Variants in ATP2B3 observed in about 807,000 individuals in gnomAD.
ATP2B3 encodes plasma membrane calcium-transporting ATPase 3.
A neutral mutation model predicts 70.8 loss-of-function variants in ATP2B3; 12 were observed. The observed-to-expected ratio is 0.17, with a 90% CI of 0.11 to 0.27. The LOEUF is 0.27. Ranked by LOEUF, ATP2B3 falls within the 10% of genes least tolerant of loss-of-function variation. The probability of loss-of-function intolerance (pLI) is 1.00; values close to 1 mark genes in which losing one functional copy is unlikely to be tolerated. For synonymous variants in ATP2B3, 460 were observed against 497.8 expected, an observed-to-expected ratio of 0.92 and a Z score of 1.01; for missense variants, 858 against 1,118.5, an observed-to-expected ratio of 0.77 and a Z score of 3.32.
intron 2 of ATP2B3, among the ~76,000 whole-genome samples, chrX:153,528,617 G>A (rs2980075): frequency 9.1e-6 from 1 of 109,843 alleles, no homozygotes; most frequent in South Asian, 4.1e-4. Flanking sequence ...AGTGGCTTCA[G>A]TGAGAGAGAA....
chrX:153,540,750 T>C (rs1569534010), intron 3 of ATP2B3, among the ~76,000 whole-genome samples: 1 of 112,331 alleles, frequency 8.9e-6, no homozygotes, highest in African/African-American at 3.2e-5. Context: ...AGGGAATTCA[T>C]AGGCTGGGAG....
intron 17 of ATP2B3, 127 bp from the exon 18 acceptor site, chrX:153,559,600 GTC>G: frequency 3.6e-6 from 2 of 560,994 alleles, no homozygotes; most frequent in Non-Finnish European, 5.8e-6. Context: ...GGATGGAGAT[GTC>G]TGTTTTCATG....
At chrX:153,520,985 C>T (rs1033363371) in intron 2 of ATP2B3, among the ~76,000 whole-genome samples, 1 of 112,788 alleles carries the variant, frequency 8.9e-6, no homozygotes, top group Non-Finnish European at 1.9e-5. Context: ...ACTCAGGGAC[C>T]GGTTTAGCTC....
intron 2 of ATP2B3, among the ~76,000 whole-genome samples, chrX:153,518,880 G>A (rs2089916015): frequency 8.9e-6 from 1 of 112,132 alleles, no homozygotes; most frequent in East Asian, 2.8e-4. Context: ...CAGGGCCTCC[G>A]ACCTCAAAGG....
At position 153,518,436 on chromosome X, in the gene ATP2B3, G is replaced by A. The variant is rs3020938; in HGVS notation, c.-242G>A. Among the ~76,000 whole-genome samples the A allele has an allele frequency of 0.052, 5,864 of 113,040 alleles. 377 individuals carry two copies. The highest frequency in any genetic ancestry group is 0.18 in the African/African-American group (5,607 of 31,106). On this transcript the variant is annotated 5_prime_UTR_variant, in exon 2 of 22. Coordinates refer to ENST00000263519, the MANE Select transcript of ATP2B3 (RefSeq NM_001001344.3). ...GTAACTTCTCCATCCCTCCAGGAAC[G>A]GCTGTCTCCCCCTCCTCGCCTGTGT...
At chrX:153,541,257 C>T in intron 3 of ATP2B3, 102 bp from the exon 4 acceptor site, 1 of 1,038,907 alleles carries the variant, frequency 9.6e-7, no homozygotes, top group Non-Finnish European at 1.3e-6. Context: ...GCTGCTGCCA[C>T]CCCAGGAGCA....
At position 153,536,429 on chromosome X, in the gene ATP2B3, G is replaced by A. The variant is rs1441248349; in HGVS notation, c.182G>A (p.Arg61Gln). The A allele has an allele frequency of 8.3e-6, 10 of 1,199,286 alleles. No homozygotes were observed. The highest frequency in any genetic ancestry group is 5.2e-5 in the African/African-American group (3 of 57,448). ...EAYGDVSGLCRRLKTSPTEGL... is the reference protein window; with the variant it reads ...EAYGDVSGLCQRLKTSPTEGL... ...TACGGGGATGTCAGCGGGCTCTGCCGGAGGCTGAAGACCTCACCCACAGAG... is the reference window on the plus strand; with the variant it reads ...TACGGGGATGTCAGCGGGCTCTGCCAGAGGCTGAAGACCTCACCCACAGAG... Residue 61 changes from arginine to glutamine, a missense_variant, in exon 3 of 22, where the codon CGG becomes CAG. Coordinates refer to ENST00000263519, the MANE Select transcript of ATP2B3 (RefSeq NM_001001344.3).
intron 19 of ATP2B3, 131 bp from the exon 20 acceptor site, chrX:153,562,004 G>A (rs2090632663): frequency 1.0e-5 from 6 of 586,519 alleles, no homozygotes; most frequent in African/African-American, 8.8e-5. Context: ...CGGCCTTGTG[G>A]TCCTCTCGCA....
intron 2 of ATP2B3, among the ~76,000 whole-genome samples, chrX:153,535,104 C>T (rs1321991071): frequency 2.7e-5 from 3 of 112,782 alleles, no homozygotes; most frequent in Non-Finnish European, 5.6e-5. Context: ...CGGGAAGGAG[C>T]GGAGAGAGAG....
At chrX:153,567,967 C>T (rs1211131054) in intron 21 of ATP2B3, among the ~76,000 whole-genome samples, 5 of 112,008 alleles carry the variant, frequency 4.5e-5, no homozygotes, top group African/African-American at 9.7e-5. Context: ...GGGAGAAGCC[C>T]GTCAGGTTGT....
intron 3 of ATP2B3, among the ~76,000 whole-genome samples, chrX:153,537,127 C>T (rs782699879): frequency 5.3e-5 from 6 of 113,132 alleles, no homozygotes; most frequent in Non-Finnish European, 1.1e-4. Flanking sequence ...AGATCTGGGG[C>T]GGAGGCCTGA....
chrX:153,543,743 A>G (rs2090322291), intron 7 of ATP2B3, among the ~76,000 whole-genome samples: 1 of 113,158 alleles, frequency 8.8e-6, no homozygotes, highest in African/African-American at 3.2e-5. Flanking sequence ...TTCTAACCTG[A>G]GTACTATTCA....
intron 3 of ATP2B3, among the ~76,000 whole-genome samples, chrX:153,540,523 G>A (rs1273834395): frequency 8.9e-6 from 1 of 112,040 alleles, no homozygotes; most frequent in Non-Finnish European, 1.9e-5. Context: ...TGGAAAGTAA[G>A]CCTCCGCTCC....
At position 153,541,819 on chromosome X, in the gene ATP2B3, A is replaced by G; in HGVS notation, c.557A>G (p.Gln186Arg). The change falls in exon 5 of 22, where the codon CAG (glutamine) becomes CGG (arginine). Residue 186 changes from glutamine to arginine, a missense_variant. Gln to Arg is a conservative substitution (Grantham distance 43, BLOSUM62 1). Coordinates refer to ENST00000263519, the MANE Select transcript of ATP2B3 (RefSeq NM_001001344.3). ...WSKEKQFRGL[Q>R]SRIEQEQKFT... ...AAGGAGAAGCAGTTCCGAGGCCTGC[A>G]GAGCCGAATTGAGCAGGAGCAGAAG... The G allele has an allele frequency of 5.0e-6, 6 of 1,211,783 alleles. No individual in the cohort carries two copies. Among genetic ancestry groups the G allele is most frequent in the Non-Finnish European group, 6.7e-6 (6 of 895,559 alleles).
intron 20 of ATP2B3, among the ~76,000 whole-genome samples, chrX:153,564,563 G>A (rs2090674294): frequency 8.8e-6 from 1 of 113,131 alleles, no homozygotes; most frequent in Admixed American, 9.2e-5. Context: ...GCTGAATGGA[G>A]CTCCATGGAG....
At chrX:153,554,961 G>A (rs2090513111) in intron 13 of ATP2B3, among the ~76,000 whole-genome samples, 1 of 112,299 alleles carries the variant, frequency 8.9e-6, no homozygotes, top group South Asian at 3.7e-4. Context: ...TTTCAGGCTC[G>A]TCACGGCCAC....
At position 153,536,189 on chromosome X, in the gene ATP2B3, G is replaced by T. The variant is rs1283338669; in HGVS notation, c.-59G>T. On this transcript the variant is annotated 5_prime_UTR_variant, in exon 3 of 22. Transcript: ENST00000263519. ...CTGGGCACTGGGACCGTGGGTGGCC[G>T]CCTGTCCCTAGCTGTGGCTGAGCCA... is the stretch of plus-strand genomic sequence containing the variant. 8.7e-7 allele frequency: 1 copy of T among 1,149,226 alleles called. No homozygotes were observed. The highest frequency in any genetic ancestry group is 1.2e-6 in the Non-Finnish European group (1 of 855,981). 94.7% of individuals were successfully genotyped at this position (1,149,226 alleles called of 1,213,427 possible).
Position 153,580,412 on chromosome X carries a change from C to G in ATP2B3, c.*114C>G, listed in dbSNP as rs1005522228. The G allele has an allele frequency of 1.3e-6, 1 of 795,288 alleles. No individual in the cohort carries two copies. The highest frequency in any genetic ancestry group is 2.1e-5 in the African/African-American group (1 of 47,676). The allele number at this position is 795,288 out of a possible 1,213,427, so 65.5% of individuals were successfully genotyped here. A position where few individuals can be genotyped will look rare whatever the true frequency, so the allele number is the denominator to read the frequency against. Reference sequence around the variant, plus strand: ...CCTGCACACCTGCAAAACGAGGGAACAACTAAGGTGGCTGAAGACCTTTCT... The same window carrying G: ...CCTGCACACCTGCAAAACGAGGGAAGAACTAAGGTGGCTGAAGACCTTTCT... On this transcript the variant is annotated 3_prime_UTR_variant, in exon 22 of 22. Transcript: ENST00000263519.
intron 2 of ATP2B3, among the ~76,000 whole-genome samples, chrX:153,525,011 G>A (rs1279543365): frequency 6.2e-5 from 7 of 112,086 alleles, no homozygotes; most frequent in Non-Finnish European, 1.3e-4. Flanking sequence ...GATGGGAGGC[G>A]GGTGTGGGCA....
Sources: gnomAD v4.1 joint callset for allele counts (sites outside exome capture counted in the v4.1 genomes callset) on GRCh38, gnomAD v4.1.1 for gene constraint, MANE v1.5 for transcripts, NCBI Gene and HGNC (gene_info 2026-07-23, HGNC 2026-07-21) for gene names.